The following CPB2 variants were observed in gnomAD, a reference collection of about 807,000 sequenced individuals.
CPB2 encodes the protein carboxypeptidase B-like protein.
Under a neutral mutation model 57.0 loss-of-function variants are expected in CPB2, and 54 were observed. The ratio of observed to expected loss-of-function variants is 0.95; its 90% CI spans 0.76 to 1.19. The LOEUF (loss-of-function observed/expected upper bound fraction) is 1.19, where lower values mean the gene tolerates loss of function less well. Among genes scored for constraint, CPB2 ranks in the 50% most tolerant of loss-of-function variants. CPB2 has a pLI of 0.00. For synonymous variants in CPB2, 189 were observed against 178.1 expected, an observed-to-expected ratio of 1.06 and a Z score of -0.49; for missense variants, 426 against 512.0, an observed-to-expected ratio of 0.83 and a Z score of 1.62.
chr13:46,072,399 G>A (rs926096787), intron 6 of CPB2, among the ~76,000 whole-genome samples: 2 of 152,234 alleles, frequency 1.3e-5, no homozygotes, highest in African/African-American at 2.4e-5. Flanking sequence ...ATCTGAATTA[G>A]TTTTAGGCAG....
intron 1 of CPB2, among the ~76,000 whole-genome samples, chr13:46,089,198 T>A (rs962950419): frequency 2.0e-5 from 3 of 152,160 alleles, no homozygotes; most frequent in Non-Finnish European, 4.4e-5. Flanking sequence ...TTTTACATCA[T>A]CTATATTTTT....
chr13:46,086,305 G>A (rs1431717677), intron 2 of CPB2, among the ~76,000 whole-genome samples: 3 of 152,144 alleles, frequency 2.0e-5, no homozygotes, highest in Non-Finnish European at 4.4e-5. Flanking sequence ...CAGGTTCAGC[G>A]CCCGGGAACA....
intron 5 of CPB2, among the ~76,000 whole-genome samples, chr13:46,075,877 AC>A (rs2045015178): frequency 6.6e-6 from 1 of 152,212 alleles, no homozygotes; most frequent in South Asian, 2.1e-4. Flanking sequence ...AGTTCTGAAA[AC>A]AATTGGCTGT....
intron 5 of CPB2, among the ~76,000 whole-genome samples, chr13:46,074,232 CCT>C (rs2044986868): frequency 1.5e-5 from 2 of 131,838 alleles, no homozygotes; most frequent in Non-Finnish European, 1.7e-5. Context: ...CTGTTTTTAT[CCT>C]CCACAATTAT....
intron 8 of CPB2, among the ~76,000 whole-genome samples, chr13:46,062,842 C>A (rs2044794867): frequency 6.6e-6 from 1 of 152,132 alleles, no homozygotes; most frequent in African/African-American, 2.4e-5. Context: ...TCAGCTTTCC[C>A]AGGCTGAATG....
intron 8 of CPB2, among the ~76,000 whole-genome samples, chr13:46,060,931 T>G (rs1009527729): frequency 6.6e-6 from 1 of 152,144 alleles, no homozygotes; most frequent in African/African-American, 2.4e-5. Context: ...TCAAGCATTC[T>G]TTGATCTATA....
chr13:46,084,469 C>A, intron 2 of CPB2, 126 bp from the exon 3 acceptor site: 1 of 886,890 alleles, frequency 1.1e-6, no homozygotes. Flanking sequence ...GGTGCTGGTC[C>A]CCATCCACAC....
intron 5 of CPB2, among the ~76,000 whole-genome samples, chr13:46,077,813 A>G (rs2045046045): frequency 6.6e-6 from 1 of 152,208 alleles, no homozygotes; most frequent in African/African-American, 2.4e-5. Context: ...ATTTGCAGCA[A>G]CATGCCCTGA....
intron 1 of CPB2, among the ~76,000 whole-genome samples, chr13:46,096,889 T>C (rs770490792): frequency 5.3e-5 from 8 of 152,164 alleles, no homozygotes; most frequent in Non-Finnish European, 7.3e-5. Flanking sequence ...GTGTTGCATC[T>C]CATCATACAC....
intron 4 of CPB2, among the ~76,000 whole-genome samples, chr13:46,079,547 A>AG (rs1367263700): frequency 3.6e-4 from 54 of 148,300 alleles, no homozygotes; most frequent in Non-Finnish European, 7.6e-4. Flanking sequence ...AAAAAAAAAA[A>AG]AAAAAAAAGA....
intron 1 of CPB2, chr13:46,099,003 AT>A (rs1378716367): frequency 6.6e-6 from 1 of 152,234 alleles, no homozygotes; most frequent in Non-Finnish European, 1.5e-5. Context: ...AGTGGTATAA[AT>A]ATTCTGCTAC....
At chr13:46,094,696 C>T (rs933181264) in intron 1 of CPB2, among the ~76,000 whole-genome samples, 1 of 151,996 alleles carries the variant, frequency 6.6e-6, no homozygotes, top group Non-Finnish European at 1.5e-5. Flanking sequence ...ATTGTGGAGT[C>T]GGTTAGGAGA....
chr13:46,061,097 A>G (rs1566398036), intron 8 of CPB2, among the ~76,000 whole-genome samples: 2 of 152,158 alleles, frequency 1.3e-5, no homozygotes, highest in African/African-American at 2.4e-5. Flanking sequence ...GGGACAATTA[A>G]AAAATTTTAG....
intron 9 of CPB2, 61 bp from the exon 10 acceptor site, chr13:46,055,910 A>G: frequency 1.0e-6 from 1 of 967,706 alleles, no homozygotes; most frequent in Non-Finnish European, 1.6e-6. Context: ...GACAAGTAGA[A>G]GTTTCTAAAA....
chr13:46,086,104 C>A (rs1226309214), intron 2 of CPB2, among the ~76,000 whole-genome samples: 3 of 152,092 alleles, frequency 2.0e-5, no homozygotes, highest in African/African-American at 7.2e-5. Flanking sequence ...GTGGTGGCAC[C>A]CAGAAGTTTG....
intron 8 of CPB2, among the ~76,000 whole-genome samples, chr13:46,060,638 G>T (rs982863066): frequency 5.3e-5 from 8 of 152,104 alleles, no homozygotes; most frequent in Non-Finnish European, 1.0e-4. Flanking sequence ...AACACTCAGT[G>T]TATGTCTCAA....
Position 46,053,803 on chromosome 13 carries a change from A to G in CPB2, c.1088-5T>C. On this transcript the variant is annotated splice_region_variant and splice_polypyrimidine_tract_variant and intron_variant, in intron 10 of 10. Transcript: ENST00000181383. ...CCCCACCTCCAGGAGCTAGGTCTAA[A>G]AGAAGAAGAAAGAAATTGTTGAAAT... 1 of 1,608,050 alleles carries G rather than the reference A, an allele frequency of 6.2e-7. No individual in the cohort carries two copies. Among genetic ancestry groups the G allele is most frequent in the Non-Finnish European group, 8.5e-7 (1 of 1,176,248 alleles).
At chr13:46,074,054 T>G in intron 5 of CPB2, 77 bp from the exon 6 acceptor site, 1 of 715,272 alleles carries the variant, frequency 1.4e-6, no homozygotes, top group Non-Finnish European at 2.3e-6. Context: ...TATATAGTGC[T>G]TATATTTAAT....
chr13:46,074,489 G>C (rs947604088), intron 5 of CPB2, among the ~76,000 whole-genome samples: 1 of 152,026 alleles, frequency 6.6e-6, no homozygotes, highest in Non-Finnish European at 1.5e-5. Flanking sequence ...AACCTCTCAC[G>C]AACTTACCAG....
Sources: allele counts gnomAD v4.1 joint callset (sites outside exome capture counted in the v4.1 genomes callset), GRCh38; gene constraint gnomAD v4.1.1; transcripts MANE v1.5; gene names NCBI Gene and HGNC (gene_info 2026-07-23, HGNC 2026-07-21).